Variants in CDH18 observed in about 807,000 individuals in gnomAD.
CDH18 encodes the protein cadherin 18.
Under a neutral mutation model 67.9 loss-of-function variants are expected in CDH18, and 31 were observed. That is an observed-to-expected ratio of 0.46 (90% CI 0.34 to 0.62). The LOEUF is 0.62. Ranked by LOEUF, CDH18 falls within the 20% of genes least tolerant of loss-of-function variation. The pLI is 0.01. For synonymous variants in CDH18, 362 were observed against 347.2 expected (o/e 1.04, Z -0.48); for missense variants, 890 against 975.5 (o/e 0.91, Z 1.17).
At chr5:20,052,264 G>A (rs1247242427) in intron 2 of CDH18, among the ~76,000 whole-genome samples, 3 of 152,056 alleles carry the variant, frequency 2.0e-5, no homozygotes, top group Non-Finnish European at 2.9e-5. Flanking sequence ...TGTCAGGACC[G>A]TAGTGCAGGA....
chr5:19,507,972 G>A (rs1355467465), intron 10 of CDH18, among the ~76,000 whole-genome samples: 1 of 150,710 alleles, frequency 6.6e-6, no homozygotes, highest in African/African-American at 2.4e-5. Context: ...ATCATGTCTT[G>A]TTTAACAATG....
chr5:20,351,675 C>G (rs1206070590), intron 1 of CDH18, among the ~76,000 whole-genome samples: 1 of 151,842 alleles, frequency 6.6e-6, no homozygotes, highest in African/African-American at 2.4e-5. Context: ...ATATAATAGT[C>G]ATGATATGAA....
At chr5:20,367,158 G>A (rs11748566) in intron 1 of CDH18, among the ~76,000 whole-genome samples, 66,843 of 151,904 alleles carry the variant, frequency 0.44, 16,294 homozygotes, top group Middle Eastern at 0.63. Flanking sequence ...GCTGTCTTTT[G>A]ATTGAGAGCA....
intron 2 of CDH18, among the ~76,000 whole-genome samples, chr5:20,242,301 A>C (rs1742988448): frequency 6.6e-6 from 1 of 151,968 alleles, no homozygotes; most frequent in African/African-American, 2.4e-5. Flanking sequence ...AAACATTTAA[A>C]ATGTACTGTT....
At chr5:20,019,297 G>C (rs972834979) in intron 2 of CDH18, among the ~76,000 whole-genome samples, 3 of 152,148 alleles carry the variant, frequency 2.0e-5, no homozygotes, top group Admixed American at 6.5e-5. Flanking sequence ...TGACATAGAA[G>C]AATGACTACT....
At chr5:19,666,720 T>A (rs765292877) in intron 5 of CDH18, among the ~76,000 whole-genome samples, 1 of 152,122 alleles carries the variant, frequency 6.6e-6, no homozygotes, top group African/African-American at 2.4e-5. Context: ...GTGTTCTTCA[T>A]CCAAAGAGAA....
intron 3 of CDH18, 59 bp downstream of exon 3, chr5:19,838,700 C>T (rs936340343): frequency 1.8e-6 from 2 of 1,132,126 alleles, no homozygotes; most frequent in African/African-American, 3.1e-5. Flanking sequence ...CCAACATGAG[C>T]TCATCTTACC....
chr5:20,012,165 G>A (rs953850384), intron 2 of CDH18, among the ~76,000 whole-genome samples: 4 of 151,694 alleles, frequency 2.6e-5, no homozygotes, highest in Non-Finnish European at 5.9e-5. Context: ...TCAGTCTTGG[G>A]AGGGTGTATA....
rs542628793 is a variant in CDH18, at chr5:19,943,572, T to C, written c.-257+37488A>G. On this transcript the variant is annotated intron_variant, in intron 2 of 12. Coordinates refer to ENST00000382275, the MANE Select transcript of CDH18 (RefSeq NM_004934.5). ...ATCTGCCATAAATTTTAAGATCTCATTTACAGAAAATAAAAACAAACAAGT... is the reference window on the plus strand; with the variant it reads ...ATCTGCCATAAATTTTAAGATCTCACTTACAGAAAATAAAAACAAACAAGT... Among the ~76,000 whole-genome samples the C allele has an allele frequency of 4.9e-4, 75 of 152,216 alleles. 1 individual carries two copies. Among genetic ancestry groups the C allele is most frequent in the Admixed American group, 3.2e-3 (49 of 15,272 alleles).
intron 1 of CDH18, among the ~76,000 whole-genome samples, chr5:20,496,047 G>A (rs573096841): frequency 6.6e-6 from 1 of 152,066 alleles, no homozygotes; most frequent in Non-Finnish European, 1.5e-5. Flanking sequence ...TTATTGAGTT[G>A]AGAAGAGAAA....
intron 2 of CDH18, among the ~76,000 whole-genome samples, chr5:19,859,121 A>G (rs1784602695): frequency 6.6e-6 from 1 of 152,168 alleles, no homozygotes; most frequent in Non-Finnish European, 1.5e-5. Flanking sequence ...TTTAAGCCCC[A>G]CAACTGACCG....
At position 19,571,637 on chromosome 5, in the gene CDH18, C is replaced by G; in HGVS notation, c.1195G>C (p.Gly399Arg). ...LMEVYENAKI[G>R]TVVGTVLAQD... Reference sequence around the variant, plus strand: ...GCCAAAACTGTACCAACGACGGTCCCAATCTTGGCATTTTCGTAGACTTCC... The same window carrying G: ...GCCAAAACTGTACCAACGACGGTCCGAATCTTGGCATTTTCGTAGACTTCC... Residue 399 changes from glycine to arginine, a missense_variant, in exon 8 of 13, where the codon GGG becomes CGG. This residue lies in a region of CDH18 where 656 missense variants were observed against 668.1 expected (regional missense o/e 0.98). Coordinates refer to ENST00000382275, the MANE Select transcript of CDH18 (RefSeq NM_004934.5). 1 of 1,613,898 alleles carries G rather than the reference C, an allele frequency of 6.2e-7. No homozygotes were observed. Among genetic ancestry groups the G allele is most frequent in the Non-Finnish European group, 8.5e-7 (1 of 1,179,902 alleles).
chr5:20,203,030 A>G (rs986601941), intron 2 of CDH18, among the ~76,000 whole-genome samples: 1 of 152,080 alleles, frequency 6.6e-6, no homozygotes, highest in Non-Finnish European at 1.5e-5. Flanking sequence ...ACATAACAAA[A>G]CAAAAAGACT....
At chr5:19,895,004 G>T (rs1300361458) in intron 2 of CDH18, among the ~76,000 whole-genome samples, 1 of 152,060 alleles carries the variant, frequency 6.6e-6, no homozygotes, top group African/African-American at 2.4e-5. Context: ...TTAGGTTTTA[G>T]GTTGCCTATT....
At chr5:19,722,135 C>A (rs1766180511) in intron 4 of CDH18, among the ~76,000 whole-genome samples, 1 of 152,120 alleles carries the variant, frequency 6.6e-6, no homozygotes, top group Admixed American at 6.5e-5. Context: ...CTCACTGCAA[C>A]TTCTGCCTCC....
intron 6 of CDH18, among the ~76,000 whole-genome samples, chr5:19,608,068 T>C (rs1488155164): frequency 3.3e-5 from 5 of 151,684 alleles, no homozygotes; most frequent in Non-Finnish European, 7.4e-5. Flanking sequence ...CTTGGAAGAC[T>C]TTAACATCTC....
intron 1 of CDH18, among the ~76,000 whole-genome samples, chr5:20,418,644 T>C (rs1247201999): frequency 2.3e-5 from 2 of 85,250 alleles, no homozygotes; most frequent in Non-Finnish European, 4.7e-5. Context: ...TTAAAACAAA[T>C]GAAGATTTCA....
intron 1 of CDH18, among the ~76,000 whole-genome samples, chr5:20,297,947 T>TGTAA (rs1747667573): frequency 6.6e-6 from 1 of 152,196 alleles, no homozygotes; most frequent in African/African-American, 2.4e-5. Flanking sequence ...TGACAATACC[T>TGTAA]GTAATACTTT....
chr5:20,363,570 C>T (rs1393989506), intron 1 of CDH18, among the ~76,000 whole-genome samples: 1 of 151,636 alleles, frequency 6.6e-6, no homozygotes, highest in Non-Finnish European at 1.5e-5. Context: ...CTTTCCTTAC[C>T]CTCTCCTTTA....
Sources: allele counts gnomAD v4.1 joint callset (sites outside exome capture counted in the v4.1 genomes callset), GRCh38; gene constraint gnomAD v4.1.1; regional missense constraint gnomAD v4.1.1; transcripts MANE v1.5; gene names NCBI Gene and HGNC (gene_info 2026-07-23, HGNC 2026-07-21).